ATXN1: variants seen among roughly 807,000 people sequenced by gnomAD.
ATXN1 encodes ataxin-1.
A neutral mutation model predicts 56.4 loss-of-function variants in ATXN1; 8 were observed. That is an observed-to-expected ratio of 0.14 (90% CI 0.08 to 0.26). ATXN1 has a LOEUF of 0.26. ATXN1 is among the 10% of genes least tolerant of loss of function. The probability of loss-of-function intolerance (pLI) is 1.00; values close to 1 mark genes in which losing one functional copy is unlikely to be tolerated. For missense variants in ATXN1, 987 were observed against 1,106.5 expected (o/e 0.89, Z 1.53); for synonymous variants, 514 against 494.6 (o/e 1.04, Z -0.52).
At chr6:16,336,688 C>T (rs991596212) in intron 6 of ATXN1, among the ~76,000 whole-genome samples, 1 of 152,186 alleles carries the variant, frequency 6.6e-6, no homozygotes, top group Admixed American at 6.5e-5. Context: ...ACAGGCTCCC[C>T]TGAGTCCGTG....
At chr6:16,408,566 A>G (rs1758734542) in intron 6 of ATXN1, among the ~76,000 whole-genome samples, 1 of 152,134 alleles carries the variant, frequency 6.6e-6, no homozygotes, top group South Asian at 2.1e-4. Flanking sequence ...TCTGACAGGC[A>G]CTAAGTGTGT....
At chr6:16,344,417 G>T (rs80336726) in intron 6 of ATXN1, among the ~76,000 whole-genome samples, 2 of 152,216 alleles carry the variant, frequency 1.3e-5, no homozygotes, top group African/African-American at 4.8e-5. Flanking sequence ...TGGAGAGGAA[G>T]ACCCACCCTC....
rs1011337918 is a variant in ATXN1 at position 16,760,849 on chromosome 6, G to A, written c.-730+449C>T. Among the ~76,000 whole-genome samples, 1 of 150,020 alleles carries A rather than the reference G, an allele frequency of 6.7e-6. No homozygotes were observed. The highest frequency in any genetic ancestry group is 2.4e-5 in the African/African-American group (1 of 40,962). ...CTCCCCCCTGCGCCACCCGGAGGGA[G>A]GAGGACATGGCTCTCCGCACTTGCG... On this transcript the variant is annotated intron_variant, in intron 1 of 7. Transcript: ENST00000436367. This position sits in a 1 kb window ranked among gnomAD's most constrained non-coding sequence, Gnocchi z 5.3.
In ATXN1 at chr6:16,597,604, A is replaced by AT. The variant is rs1254851781; in HGVS notation, c.-488-11698dup. ...CAGGCACATGCCACCACACTTGGCT[A>AT]TTTTTTTGTATTTTCAGTCGAGACG... is the stretch of plus-strand genomic sequence containing the variant. On this transcript the variant is annotated intron_variant, in intron 3 of 7. Transcript: ENST00000436367. Among the ~76,000 whole-genome samples, 14 of 151,874 alleles carry AT rather than the reference A, an allele frequency of 9.2e-5. 1 individual carries two copies. In the South Asian group the frequency reaches 2.5e-3, roughly 27 times the overall value.
rs918687839 is a variant in ATXN1, at chr6:16,523,776, G to A, written c.-360-1088C>T. Among the ~76,000 whole-genome samples, 8 of 152,268 alleles carry A rather than the reference G, an allele frequency of 5.3e-5. No homozygotes were observed. The South Asian group carries it at 6.2e-4, about 12-fold the overall frequency. The stretch of plus-strand genomic sequence containing the variant: ...AAGCCACAGTGTCTGAGATACTGAC[G>A]GGCCAAACAAAGTGTGGGAAAGAAC... On this transcript the variant is annotated intron_variant, in intron 4 of 7. Coordinates refer to ENST00000436367, the MANE Select transcript of ATXN1 (RefSeq NM_001128164.2).
chr6:16,633,173 TA>T (rs1763536874), intron 3 of ATXN1, among the ~76,000 whole-genome samples: 1 of 152,184 alleles, frequency 6.6e-6, no homozygotes, highest in South Asian at 2.1e-4. Flanking sequence ...AAGAAACATT[TA>T]AAAGGAGGCA....
intron 6 of ATXN1, among the ~76,000 whole-genome samples, chr6:16,427,262 G>C (rs779760566): frequency 9.2e-5 from 14 of 152,192 alleles, no homozygotes; most frequent in Non-Finnish European, 1.8e-4. Context: ...GGGCTGTCCT[G>C]TGTGTTGCAG....
At chr6:16,357,205 G>C (rs1761704232) in intron 6 of ATXN1, among the ~76,000 whole-genome samples, 1 of 151,562 alleles carries the variant, frequency 6.6e-6, no homozygotes, top group Non-Finnish European at 1.5e-5. Context: ...CTATGGGTTT[G>C]AGACATTTTT....
chr6:16,519,363 A>G (rs548734126), intron 5 of ATXN1, among the ~76,000 whole-genome samples: 1 of 152,366 alleles, frequency 6.6e-6, no homozygotes, highest in East Asian at 1.9e-4. Context: ...TCTTTCATCA[A>G]GGATTATATA....
intron 6 of ATXN1, among the ~76,000 whole-genome samples, chr6:16,442,592 A>C (rs901299588): frequency 1.3e-5 from 2 of 152,226 alleles, no homozygotes; most frequent in African/African-American, 2.4e-5. Flanking sequence ...TTATAGCCAG[A>C]GAAGAAAATA....
intron 2 of ATXN1, among the ~76,000 whole-genome samples, chr6:16,750,497 G>A (rs374218063): frequency 2.0e-5 from 3 of 152,150 alleles, no homozygotes; most frequent in African/African-American, 4.8e-5. Flanking sequence ...ACGTTGAGCC[G>A]TCAATCGTGA....
chr6:16,342,253 C>A (rs1248900798), intron 6 of ATXN1, among the ~76,000 whole-genome samples: 1 of 152,010 alleles, frequency 6.6e-6, no homozygotes, highest in African/African-American at 2.4e-5. Flanking sequence ...CGTGTTCTAA[C>A]CTCCTTTAAT....
chr6:16,440,156 T>C (rs929313832), intron 6 of ATXN1, among the ~76,000 whole-genome samples: 1 of 149,372 alleles, frequency 6.7e-6, no homozygotes, highest in Admixed American at 6.7e-5. Context: ...TCTAAATGGG[T>C]GGATCGCTTG....
At chr6:16,618,816 A>AT (rs767173758) in intron 3 of ATXN1, among the ~76,000 whole-genome samples, 39 of 152,058 alleles carry the variant, frequency 2.6e-4, no homozygotes, top group Non-Finnish European at 2.9e-4. Context: ...AGATATTTTG[A>AT]TTTTGTAAAT....
At chr6:16,533,653 A>G (rs1157993761) in intron 4 of ATXN1, among the ~76,000 whole-genome samples, 1 of 152,186 alleles carries the variant, frequency 6.6e-6, no homozygotes, top group Admixed American at 6.5e-5. Flanking sequence ...CCCTGTAATT[A>G]AGGCAAAGCC....
intron 6 of ATXN1, among the ~76,000 whole-genome samples, chr6:16,384,531 T>C (rs989088248): frequency 6.6e-6 from 1 of 152,216 alleles, no homozygotes; most frequent in African/African-American, 2.4e-5. Flanking sequence ...CTCAAGGAGC[T>C]CCATTGATAT....
chr6:16,722,039 A>C (rs1759755744), intron 2 of ATXN1, among the ~76,000 whole-genome samples: 1 of 152,244 alleles, frequency 6.6e-6, no homozygotes, highest in African/African-American at 2.4e-5. Context: ...GGGCACACTC[A>C]GTGGCCTCAC....
intron 6 of ATXN1, among the ~76,000 whole-genome samples, chr6:16,344,409 G>A (rs1169886648): frequency 6.6e-6 from 1 of 152,206 alleles, no homozygotes; most frequent in African/African-American, 2.4e-5. Context: ...CATGGGCTTG[G>A]AGAGGAAGAC....
chr6:16,709,905 C>T (rs1343663877), intron 2 of ATXN1, among the ~76,000 whole-genome samples: 3 of 152,162 alleles, frequency 2.0e-5, no homozygotes, highest in Non-Finnish European at 4.4e-5. Flanking sequence ...TTTGGTTTAA[C>T]ACTTAAAACC....
Sources: allele counts gnomAD v4.1 joint callset (sites outside exome capture counted in the v4.1 genomes callset), GRCh38; gene constraint gnomAD v4.1.1; non-coding constraint Gnocchi (gnomAD v3.1); transcripts MANE v1.5; gene names NCBI Gene and HGNC (gene_info 2026-07-23, HGNC 2026-07-21).